CNTN3: variants seen among roughly 807,000 people sequenced by gnomAD.
The protein encoded by CNTN3 is contactin 3, also known as contactin-3.
Under a neutral mutation model 119.1 loss-of-function variants are expected in CNTN3, and 60 were observed. The ratio of observed to expected loss-of-function variants is 0.50; its 90% CI spans 0.41 to 0.62. The LOEUF is 0.62. Among genes scored for constraint, CNTN3 ranks in the 20% least tolerant of loss-of-function variants. The probability of loss-of-function intolerance (pLI) is 0.00; values close to 1 mark genes in which losing one functional copy is unlikely to be tolerated. For missense variants in CNTN3, 1,101 were observed against 1,242.4 expected (o/e 0.89, Z 1.71); for synonymous variants, 450 against 438.7 (o/e 1.03, Z -0.32).
At chr3:74,285,817 A>ATATTT (rs1553692064) in intron 19 of CNTN3, among the ~76,000 whole-genome samples, 1 of 119,770 alleles carries the variant, frequency 8.3e-6, no homozygotes, top group East Asian at 2.4e-4. Context: ...ATATATATAT[A>ATATTT]TATATATATA....
intron 1 of CNTN3, among the ~76,000 whole-genome samples, chr3:74,552,545 G>C (rs1704007383): frequency 6.6e-6 from 1 of 152,080 alleles, no homozygotes; most frequent in Non-Finnish European, 1.5e-5. Context: ...ATTTTCTCTG[G>C]CATATGATGC....
intron 4 of CNTN3, among the ~76,000 whole-genome samples, chr3:74,468,496 C>A (rs770176227): frequency 2.6e-5 from 4 of 152,164 alleles, no homozygotes; most frequent in Non-Finnish European, 5.9e-5. Context: ...TACTGAATTT[C>A]ATTTCCATCA....
chr3:74,539,704 T>G (rs1575816798), intron 1 of CNTN3, among the ~76,000 whole-genome samples: 1 of 152,274 alleles, frequency 6.6e-6, no homozygotes, highest in African/African-American at 2.4e-5. Flanking sequence ...ATTTTCACAT[T>G]TGAGCTTACT....
intron 1 of CNTN3, among the ~76,000 whole-genome samples, chr3:74,594,278 T>TC (rs1363206975): frequency 6.9e-6 from 1 of 144,022 alleles, no homozygotes; most frequent in Admixed American, 6.8e-5. Context: ...TTTTTCTTTT[T>TC]TTTTTTTTTT....
In CNTN3 at chr3:74,527,237, T is replaced by C. The variant is rs187569535; in HGVS notation, c.-80-6045A>G. Among the ~76,000 whole-genome samples the C allele has an allele frequency of 4.6e-5, 7 of 151,986 alleles. No homozygotes were observed. The East Asian group carries it at 9.7e-4, about 21-fold the overall frequency. ...TTCAAAGAAACAAATATTCCTGAGG[T>C]TACTGTTGAAAAATTTGACAAATAA... On this transcript the variant is annotated intron_variant, in intron 1 of 22. Transcript: ENST00000263665.
chr3:74,427,709 G>C (rs1461868493), intron 4 of CNTN3, among the ~76,000 whole-genome samples: 3 of 151,984 alleles, frequency 2.0e-5, no homozygotes, highest in African/African-American at 7.3e-5. Context: ...GAGTTAAGCA[G>C]GTCACAGGAT....
At chr3:74,288,900 A>T (rs1347109374) in intron 19 of CNTN3, among the ~76,000 whole-genome samples, 1 of 152,184 alleles carries the variant, frequency 6.6e-6, no homozygotes, top group East Asian at 1.9e-4. Flanking sequence ...TGATGAAATA[A>T]ATTGGAGCCC....
chr3:74,445,357 G>C (rs1032712187), intron 4 of CNTN3, among the ~76,000 whole-genome samples: 3 of 152,110 alleles, frequency 2.0e-5, no homozygotes, highest in Non-Finnish European at 4.4e-5. Context: ...CCACCTCCCA[G>C]GATCAACCAA....
intron 22 of CNTN3, among the ~76,000 whole-genome samples, chr3:74,265,596 G>A (rs1042868761): frequency 6.6e-6 from 1 of 152,032 alleles, no homozygotes; most frequent in African/African-American, 2.4e-5. Flanking sequence ...AGCTTTGTTT[G>A]TTTTAGTCTA....
At chr3:74,524,078 G>A (rs1380895802) in intron 1 of CNTN3, among the ~76,000 whole-genome samples, 1 of 151,882 alleles carries the variant, frequency 6.6e-6, no homozygotes, top group Non-Finnish European at 1.5e-5. Context: ...GCCACCATGT[G>A]AAAATTGTTT....
chr3:74,285,303 AC>A lies in CNTN3; in HGVS notation c.2704+1del. 2.5e-6 allele frequency: 4 copies of A among 1,599,498 alleles called. No individual in the cohort carries two copies. Among genetic ancestry groups the A allele is most frequent in the Non-Finnish European group, 3.4e-6 (4 of 1,175,006 alleles). ...CATTCAAAGAAATCAGAATATACTT[AC>A]GCGTTTTCTTGGTGGTTACATTAAC... On this transcript the variant is annotated splice_donor_variant, in intron 20 of 22. Transcript: ENST00000263665. LOFTEE classifies it high-confidence loss of function.
chr3:74,422,918 C>T (rs1701638942), intron 5 of CNTN3, among the ~76,000 whole-genome samples: 1 of 152,142 alleles, frequency 6.6e-6, no homozygotes, highest in Non-Finnish European at 1.5e-5. Flanking sequence ...CTGATTCAAG[C>T]CCTCAGCTTC....
In CNTN3 at chr3:74,365,683, T is replaced by C. The variant is rs1257441969; in HGVS notation, c.966A>G (p.Gln322=). 2 of 1,612,864 alleles carry C rather than the reference T, an allele frequency of 1.2e-6. No homozygotes were observed. Among genetic ancestry groups the C allele is most frequent in the Admixed American group, 1.7e-5 (1 of 59,916 alleles). ...LTYYAKPHWV[Q]LIKDVEIAVE... Reference sequence around the variant, plus strand: ...CGGCTATTTCCACATCCTTTATGAGTTGAACCCAATGGGGCTTTGCTTCAA... The same window carrying C: ...CGGCTATTTCCACATCCTTTATGAGCTGAACCCAATGGGGCTTTGCTTCAA... Residue 322 remains glutamine (Q), a synonymous_variant, in exon 9 of 23, where the codon CAA becomes CAG. Transcript: ENST00000263665.
intron 1 of CNTN3, among the ~76,000 whole-genome samples, chr3:74,573,905 T>A (rs1023169659): frequency 1.3e-5 from 2 of 152,098 alleles, no homozygotes; most frequent in South Asian, 4.1e-4. Context: ...TCCAAAAAGT[T>A]AAACCTAGAG....
intron 4 of CNTN3, among the ~76,000 whole-genome samples, chr3:74,456,356 T>C (rs1039201443): frequency 1.3e-5 from 2 of 152,070 alleles, no homozygotes; most frequent in Non-Finnish European, 2.9e-5. Flanking sequence ...TCCAAATTTA[T>C]TGCAGTAGCA....
At position 74,307,055 on chromosome 3, in the gene CNTN3, T is replaced by C. The variant is rs370463970; in HGVS notation, c.1669-4248A>G. Reference sequence around the variant, plus strand: ...CTAAGATTTAACATATGAGCAGAAGTTGTCCAGGAAAAGTGGGTAAAAAAA... The same window carrying C: ...CTAAGATTTAACATATGAGCAGAAGCTGTCCAGGAAAAGTGGGTAAAAAAA... On this transcript the variant is annotated intron_variant, in intron 13 of 22. Coordinates refer to ENST00000263665, the MANE Select transcript of CNTN3 (RefSeq NM_020872.3). Among the ~76,000 whole-genome samples the C allele has an allele frequency of 4.2e-4, 64 of 152,220 alleles. 2 individuals carry two copies. The South Asian group carries it at 0.013, about 31-fold the overall frequency.
chr3:74,294,975 G>T, intron 19 of CNTN3, 146 bp downstream of exon 19: 1 of 500,276 alleles, frequency 2.0e-6, no homozygotes, highest in Non-Finnish European at 3.6e-6. Flanking sequence ...CAGTATACAT[G>T]GAACATCAGA....
chr3:74,354,800 G>A (rs1474045272), intron 11 of CNTN3, among the ~76,000 whole-genome samples: 3 of 151,934 alleles, frequency 2.0e-5, no homozygotes, highest in Admixed American at 2.0e-4. Context: ...GAATAGTTGA[G>A]CACCAGGTGA....
intron 11 of CNTN3, among the ~76,000 whole-genome samples, chr3:74,344,702 G>A (rs1325610036): frequency 7.3e-5 from 11 of 151,680 alleles, no homozygotes; most frequent in Non-Finnish European, 1.5e-4. Context: ...CTCGTGATCC[G>A]CCCGCCTCGG....
Sources: allele counts gnomAD v4.1 joint callset (sites outside exome capture counted in the v4.1 genomes callset), GRCh38; gene constraint gnomAD v4.1.1; transcripts MANE v1.5; gene names NCBI Gene and HGNC (gene_info 2026-07-23, HGNC 2026-07-21).